The following SBNO2 variants were observed in gnomAD, a reference collection of about 807,000 sequenced individuals.
The protein encoded by SBNO2 is strawberry notch homolog 2.
Under a neutral mutation model 146.3 loss-of-function variants are expected in SBNO2, and 89 were observed. The ratio of observed to expected loss-of-function variants is 0.61; its 90% CI spans 0.51 to 0.73. The LOEUF is 0.73. SBNO2 is among the 30% of genes least tolerant of loss of function. The pLI, the probability that SBNO2 is intolerant of heterozygous loss-of-function variation, is 0.00. For missense variants in SBNO2, 2,092 were observed against 2,003.7 expected (o/e 1.04, Z -0.84); for synonymous variants, 1,147 against 892.6 (o/e 1.29, Z -5.08).
chr19:1,139,243 G>A (rs1345447088), intron 4 of SBNO2, among the ~76,000 whole-genome samples: 1 of 152,224 alleles, frequency 6.6e-6, no homozygotes, highest in Admixed American at 6.5e-5. Flanking sequence ...AGAGGCAGGA[G>A]GCCATGCAGC....
At position 1,108,947 on chromosome 19, in the gene SBNO2, G is replaced by A. The variant is rs766249306; in HGVS notation, c.3448C>T (p.Gln1150Ter). 1.3e-6 allele frequency: 2 copies of A among 1,550,426 alleles called. No homozygotes were observed. Among genetic ancestry groups the A allele is most frequent in the Non-Finnish European group, 1.7e-6 (2 of 1,154,800 alleles). ...SAWNRHCRLA[Q>*]EGKDCLQGLR... ...CCCTGCAGGCAGTCCTTACCCTCCT[G>A]CGCCAGCCGGCAGTGCCGGTTCCTG... The change falls in exon 31 of 32, where the codon CAG becomes TAG. Residue 1150 changes from glutamine (Q) to a stop codon, truncating the protein, a stop_gained. Transcript: ENST00000361757. LOFTEE classifies it high-confidence loss of function.
At chr19:1,170,529 C>A (rs931017737) in intron 1 of SBNO2, among the ~76,000 whole-genome samples, 1 of 152,162 alleles carries the variant, frequency 6.6e-6, no homozygotes, top group African/African-American at 2.4e-5. Flanking sequence ...TGGACACACC[C>A]AGCCCTCCCC....
chr19:1,120,297 A>T (rs1451614986), intron 11 of SBNO2, among the ~76,000 whole-genome samples: 2 of 152,204 alleles, frequency 1.3e-5, no homozygotes, highest in Admixed American at 1.3e-4. Context: ...CCGGCGAGGA[A>T]GGGTGGGATC....
At chr19:1,162,843 G>A (rs911417236) in intron 1 of SBNO2, among the ~76,000 whole-genome samples, 1 of 152,250 alleles carries the variant, frequency 6.6e-6, no homozygotes, top group Non-Finnish European at 1.5e-5. Flanking sequence ...GCCGGACAGC[G>A]TTCAGTGGGA....
rs2079689886 is a variant in SBNO2, at chr19:1,107,861, T to C, written c.*359A>G. 2 of 162,612 alleles carry C rather than the reference T, an allele frequency of 1.2e-5. No individual in the cohort carries two copies. Among genetic ancestry groups the C allele is most frequent in the East Asian group, 3.4e-4 (2 of 5,826 alleles). 10.1% of individuals were successfully genotyped at this position (162,612 alleles called of 1,614,324 possible). A position where few individuals can be genotyped will look rare whatever the true frequency, so the allele number is the denominator to read the frequency against. On this transcript the variant is annotated 3_prime_UTR_variant, in exon 32 of 32. Transcript: ENST00000361757. ...ACGGAGCCCCCGAGACGCGGGGCCC[T>C]GAGCACCTGGGGTTTCCTGAGTTTC...
intron 5 of SBNO2, among the ~76,000 whole-genome samples, chr19:1,125,926 C>A (rs1169649688): frequency 6.7e-6 from 1 of 148,974 alleles, no homozygotes; most frequent in Non-Finnish European, 1.5e-5. Flanking sequence ...CCCAGAAGGT[C>A]GAGGCTGAAA....
chr19:1,163,886 G>A (rs1017366239), intron 1 of SBNO2, among the ~76,000 whole-genome samples: 1 of 152,216 alleles, frequency 6.6e-6, no homozygotes, highest in Non-Finnish European at 1.5e-5. Flanking sequence ...CGGTTGCCTG[G>A]AGGTGGAAGG....
chr19:1,123,423 G>A (rs2079928349), intron 7 of SBNO2, 111 bp downstream of exon 7: 1 of 926,810 alleles, frequency 1.1e-6, no homozygotes, highest in Non-Finnish European at 1.7e-6. Context: ...GGCCCTCCCT[G>A]AAGCTTCACA....
chr19:1,155,737 C>G (rs919396110), intron 1 of SBNO2, among the ~76,000 whole-genome samples: 1 of 152,176 alleles, frequency 6.6e-6, no homozygotes, highest in African/African-American at 2.4e-5. Context: ...CGACCCCGGC[C>G]CCGTGTGCTG....
At chr19:1,135,501 T>C (rs1452365609) in intron 4 of SBNO2, among the ~76,000 whole-genome samples, 2 of 152,216 alleles carry the variant, frequency 1.3e-5, no homozygotes, top group African/African-American at 4.8e-5. Context: ...CCAGGGTCCC[T>C]GGAGCAGGTC....
rs2080124632 is a variant in SBNO2 at position 1,140,457 on chromosome 19, G to C, written c.279+6852C>G. Among the ~76,000 whole-genome samples the C allele has an allele frequency of 6.6e-6, 1 of 152,238 alleles. No homozygotes were observed. On this transcript the variant is annotated intron_variant, in intron 4 of 31. Transcript: ENST00000361757. The surrounding 1 kb of genome is among the most constrained non-coding windows in gnomAD (Gnocchi z 4.4). ...ATGGCTTCGCGCCAACCTGGAGACG[G>C]AAGGCTGAGCAGAAGTGAGGGGGGC... is the stretch of plus-strand genomic sequence containing the variant.
At chr19:1,155,860 C>T (rs1002232772) in intron 1 of SBNO2, among the ~76,000 whole-genome samples, 1 of 152,158 alleles carries the variant, frequency 6.6e-6, no homozygotes, top group Non-Finnish European at 1.5e-5. Flanking sequence ...GCTCAGCAGC[C>T]CCTCCCCTGC....
chr19:1,113,088 G>C, intron 19 of SBNO2, 139 bp from the exon 20 acceptor site: 1 of 1,023,296 alleles, frequency 9.8e-7, no homozygotes, highest in Non-Finnish European at 1.4e-6. Flanking sequence ...TGCTGGGAAA[G>C]GGAGGGCGGG....
chr19:1,161,391 C>T (rs1344379984), intron 1 of SBNO2, among the ~76,000 whole-genome samples: 1 of 69,248 alleles, frequency 1.4e-5, no homozygotes, highest in African/African-American at 6.3e-5. Context: ...GTGGGGGTGC[C>T]TGAGTACTGG....
intron 14 of SBNO2, among the ~76,000 whole-genome samples, 158 bp downstream of exon 14, chr19:1,118,853 C>T (rs948573245): frequency 2.0e-5 from 3 of 151,954 alleles, no homozygotes; most frequent in Non-Finnish European, 4.4e-5. Context: ...GCCTAGATGA[C>T]AGCACGAGAC....
chr19:1,111,145 C>T (rs879081981), intron 24 of SBNO2, 52 bp from the exon 25 acceptor site: 15 of 1,518,644 alleles, frequency 9.9e-6, no homozygotes, highest in South Asian at 2.4e-5. Flanking sequence ...GCCCCTCCCT[C>T]GAAGCCCCTA....
intron 4 of SBNO2, among the ~76,000 whole-genome samples, chr19:1,133,567 CG>C (rs1172888405): frequency 6.6e-6 from 1 of 152,246 alleles, no homozygotes; most frequent in Non-Finnish European, 1.5e-5. Flanking sequence ...CCCCTTGCCA[CG>C]ACCCATCACC....
rs893028622 is a variant in SBNO2 at position 1,150,971 on chromosome 19, G to A, written c.94-1529C>T. 9.2e-5 allele frequency among the ~76,000 whole-genome samples: 14 copies of A among 152,216 alleles called. No individual in the cohort carries two copies. Among genetic ancestry groups the A allele is most frequent in the Non-Finnish European group, 1.9e-4 (13 of 68,036 alleles). On this transcript the variant is annotated intron_variant, in intron 2 of 31. Transcript: ENST00000361757. The surrounding 1 kb of genome is among the most constrained non-coding windows in gnomAD (Gnocchi z 6.2). ...CAGCTCCTCCCCTGCACAGAGGCCG[G>A]CAGCCTGGGCACCCTGAGCTCCTGC...
intron 17 of SBNO2, 194 bp downstream of exon 17, chr19:1,115,827 C>T: frequency 3.2e-6 from 2 of 623,006 alleles, no homozygotes; most frequent in East Asian, 5.6e-5. Flanking sequence ...GCTTCCTCTT[C>T]CCTAAGCGTT....
Sources: gnomAD v4.1 joint callset for allele counts (sites outside exome capture counted in the v4.1 genomes callset) on GRCh38, gnomAD v4.1.1 for gene constraint, Gnocchi (gnomAD v3.1) non-coding constraint, MANE v1.5 for transcripts, NCBI Gene and HGNC (gene_info 2026-07-23, HGNC 2026-07-21) for gene names.